The following CIT variants were observed in gnomAD, a reference collection of about 807,000 sequenced individuals.
CIT encodes citron Rho-interacting kinase.
Under a neutral mutation model 272.7 loss-of-function variants are expected in CIT, and 79 were observed. The ratio of observed to expected loss-of-function variants is 0.29; its 90% CI spans 0.24 to 0.35. The LOEUF (loss-of-function observed/expected upper bound fraction) is 0.35. Ranked by LOEUF, CIT falls within the 10% of genes least tolerant of loss-of-function variation. CIT has a pLI of 1.00. For synonymous variants in CIT, 948 were observed against 995.6 expected, an observed-to-expected ratio of 0.95 and a Z score of 0.90; for missense variants, 1,909 against 2,618.3, an observed-to-expected ratio of 0.73 and a Z score of 5.91.
At chr12:119,766,352 A>C (rs1962454111) in intron 19 of CIT, among the ~76,000 whole-genome samples, 1 of 151,970 alleles carries the variant, frequency 6.6e-6, no homozygotes, top group Admixed American at 6.5e-5. Flanking sequence ...ATTGGAGATC[A>C]TCATATTAAC....
intron 5 of CIT, among the ~76,000 whole-genome samples, chr12:119,848,741 C>A: frequency 6.6e-6 from 1 of 152,170 alleles, no homozygotes; most frequent in African/African-American, 2.4e-5. Context: ...TATCCCCCAC[C>A]GGAGCTGGGC....
chr12:119,817,498 C>T lies in CIT; in HGVS notation c.1111+5322G>A, dbSNP rs1044371004. On this transcript the variant is annotated intron_variant, in intron 9 of 47. Transcript: ENST00000392521. ...CTGCACTCCGGCCTGGGCAACAGAG[C>T]GAGACCCCATCTCAAAAAAAAATCA... Among the ~76,000 whole-genome samples the T allele has an allele frequency of 5.9e-5, 9 of 151,656 alleles. No individual in the cohort carries two copies. In the East Asian group the frequency reaches 1.7e-3, roughly 29 times the overall value.
intron 22 of CIT, 26 bp from the exon 23 acceptor site, chr12:119,752,273 A>C (rs1316440542): frequency 1.3e-6 from 2 of 1,577,490 alleles, no homozygotes; most frequent in African/African-American, 1.3e-5. Flanking sequence ...AGAGAGAAAG[A>C]GAGATAAACC....
chr12:119,734,642 T>A (rs1039247669), intron 25 of CIT, among the ~76,000 whole-genome samples: 2 of 151,936 alleles, frequency 1.3e-5, no homozygotes, highest in Non-Finnish European at 2.9e-5. Context: ...TTTTTATCTA[T>A]CTTTATTTTT....
intron 3 of CIT, 75 bp from the exon 4 acceptor site, chr12:119,857,773 A>G (rs1656849938): frequency 7.2e-7 from 1 of 1,379,784 alleles, no homozygotes. Flanking sequence ...AGAAAAAAAA[A>G]AAAGAAAATA....
intron 22 of CIT, among the ~76,000 whole-genome samples, chr12:119,756,100 C>G (rs1960939899): frequency 6.6e-6 from 1 of 152,126 alleles, no homozygotes; most frequent in African/African-American, 2.4e-5. Context: ...GAAACTGAAG[C>G]CCAGCAGAGA....
intron 9 of CIT, among the ~76,000 whole-genome samples, chr12:119,811,905 T>C (rs1966850656): frequency 6.6e-6 from 1 of 151,736 alleles, no homozygotes; most frequent in East Asian, 1.9e-4. Context: ...TGAATTTGGA[T>C]ATACCCAATT....
chr12:119,690,381 GC>G lies in CIT; in HGVS notation c.5955del (p.Glu1987LysfsTer67). 6.3e-7 allele frequency: 1 copy of G among 1,597,098 alleles called. No individual in the cohort carries two copies. Among genetic ancestry groups the G allele is most frequent in the Non-Finnish European group, 8.5e-7 (1 of 1,177,792 alleles). ...TCTCGCGGGTGGCTGGGGCCTTCGG[GC>G]GGCGCTGGGCTGGAGGCCACGCGCT... ...ITKRVASSPA[P>X]PEGPSHPREP... is the part of the protein sequence containing the mutation. On this transcript the variant is annotated frameshift_variant, in exon 47 of 48. Coordinates refer to ENST00000392521, the MANE Select transcript of CIT (RefSeq NM_001206999.2). LOFTEE classifies it high-confidence loss of function. This position sits in a 1 kb window ranked among gnomAD's most constrained non-coding sequence, Gnocchi z 6.0.
At chr12:119,767,810 C>T (rs1327558002) in intron 18 of CIT, among the ~76,000 whole-genome samples, 1 of 151,038 alleles carries the variant, frequency 6.6e-6, no homozygotes, top group Non-Finnish European at 1.5e-5. Context: ...ATAATAATGA[C>T]ATAAAAATGT....
At chr12:119,767,043 G>A (rs1236132709) in intron 19 of CIT, 44 bp downstream of exon 19, 1 of 1,472,522 alleles carries the variant, frequency 6.8e-7, no homozygotes, top group Admixed American at 1.8e-5. Context: ...GAGCTACATG[G>A]TACTATAGGA....
rs551155320 is a variant in CIT, at chr12:119,711,268, C to T, written c.4855-648G>A. Among the ~76,000 whole-genome samples the T allele has an allele frequency of 3.9e-5, 6 of 152,316 alleles. No individual in the cohort carries two copies. In the East Asian group the frequency reaches 7.7e-4, roughly 20 times the overall value. On this transcript the variant is annotated intron_variant, in intron 37 of 47. Coordinates refer to ENST00000392521, the MANE Select transcript of CIT (RefSeq NM_001206999.2). ...TTAGGAGTGAAGAGTCTGAAAAGAG[C>T]TGTTTGGTCTTCGCTGGAGCAAACG... is the stretch of plus-strand genomic sequence containing the variant.
At chr12:119,778,859 T>C (rs1964036796) in intron 13 of CIT, among the ~76,000 whole-genome samples, 2 of 152,222 alleles carry the variant, frequency 1.3e-5, no homozygotes, top group Admixed American at 6.5e-5. Flanking sequence ...TCCTGGGTCA[T>C]GCATACTAAG....
chr12:119,726,683 AG>A (rs1958131716), intron 28 of CIT, among the ~76,000 whole-genome samples: 1 of 152,134 alleles, frequency 6.6e-6, no homozygotes, highest in South Asian at 2.1e-4. Flanking sequence ...AGGCTCACTA[AG>A]GGTTAAACAG....
intron 10 of CIT, among the ~76,000 whole-genome samples, chr12:119,796,785 C>G (rs763274194): frequency 6.6e-6 from 1 of 152,026 alleles, no homozygotes; most frequent in African/African-American, 2.4e-5. Flanking sequence ...CTGATGGCAG[C>G]CACAAAAGAG....
Position 119,710,480 on chromosome 12 carries a change from T to G in CIT, c.4935+60A>C. 1 of 1,612,812 alleles carries G rather than the reference T, an allele frequency of 6.2e-7. No individual in the cohort carries two copies. Among genetic ancestry groups the G allele is most frequent in the South Asian group, 1.1e-5 (1 of 91,052 alleles). ...GCAACAAGGCCTCCACAGCCCTTTC[T>G]TTCTTGATGGGGTGTGGCTGTAACC... On this transcript the variant is annotated intron_variant, in intron 38 of 47. Coordinates refer to ENST00000392521, the MANE Select transcript of CIT (RefSeq NM_001206999.2). This position sits in a 1 kb window ranked among gnomAD's most constrained non-coding sequence, Gnocchi z 5.6.
intron 7 of CIT, among the ~76,000 whole-genome samples, chr12:119,827,499 G>A (rs1968267559): frequency 6.6e-6 from 1 of 151,052 alleles, no homozygotes; most frequent in African/African-American, 2.4e-5. Flanking sequence ...GTGCAGTGCT[G>A]CGATCTCAGC....
chr12:119,776,997 G>A (rs1263305159), intron 13 of CIT, among the ~76,000 whole-genome samples, 155 bp from the exon 14 acceptor site: 1 of 152,256 alleles, frequency 6.6e-6, no homozygotes, highest in South Asian at 2.1e-4. Context: ...GCTCACGCCT[G>A]TAATCCCAGC....
chr12:119,867,766 T>C (rs1173045609), intron 3 of CIT, among the ~76,000 whole-genome samples: 1 of 151,444 alleles, frequency 6.6e-6, no homozygotes, highest in Non-Finnish European at 1.5e-5. Context: ...AAAACACTAA[T>C]GTAAGAGTAT....
intron 41 of CIT, 119 bp from the exon 42 acceptor site, chr12:119,702,077 C>G (rs909161268): frequency 8.3e-6 from 6 of 726,596 alleles, no homozygotes; most frequent in Non-Finnish European, 1.4e-5. Context: ...TGTCACCAAG[C>G]TTGTTCACGT....
Sources: gnomAD v4.1 joint callset for allele counts (sites outside exome capture counted in the v4.1 genomes callset) on GRCh38, gnomAD v4.1.1 for gene constraint, Gnocchi (gnomAD v3.1) non-coding constraint, MANE v1.5 for transcripts, NCBI Gene and HGNC (gene_info 2026-07-23, HGNC 2026-07-21) for gene names.